Variants in CC2D2A observed in about 807,000 individuals in gnomAD.
CC2D2A encodes the protein coiled-coil and C2 domain containing 2A.
In CC2D2A, 155 loss-of-function variants were observed where a neutral mutation model predicts 212.9. The observed-to-expected ratio is 0.73, with a 90% confidence interval of 0.64 to 0.83. The LOEUF is 0.83. Ranked by LOEUF, CC2D2A falls within the 40% of genes least tolerant of loss-of-function variation. The pLI is 0.00. For missense variants in CC2D2A, 1,856 were observed against 1,956.2 expected (o/e 0.95, Z 0.97); for synonymous variants, 667 against 686.5 (o/e 0.97, Z 0.44).
At chr4:15,566,520 A>G (rs1719886753) in intron 24 of CC2D2A, among the ~76,000 whole-genome samples, 1 of 152,144 alleles carries the variant, frequency 6.6e-6, no homozygotes. Context: ...CTTTGTTCTC[A>G]GCACACAGGC....
intron 8 of CC2D2A, among the ~76,000 whole-genome samples, chr4:15,513,155 C>T (rs2109009775): frequency 6.6e-6 from 1 of 152,292 alleles, no homozygotes; most frequent in Non-Finnish European, 1.5e-5. Context: ...AATATTTTAG[C>T]TTATTCTATA....
At chr4:15,518,769 G>A (rs1717027635) in intron 11 of CC2D2A, among the ~76,000 whole-genome samples, 1 of 152,230 alleles carries the variant, frequency 6.6e-6, no homozygotes, top group Admixed American at 6.5e-5. Flanking sequence ...CTAAAGCCAT[G>A]GCCCGAGTTG....
At chr4:15,560,268 C>A (rs539563876) in intron 22 of CC2D2A, among the ~76,000 whole-genome samples, 23 of 152,228 alleles carry the variant, frequency 1.5e-4, no homozygotes, top group Admixed American at 1.3e-3. Context: ...ATTTTGCCAT[C>A]TTATATGCCG....
intron 4 of CC2D2A, among the ~76,000 whole-genome samples, chr4:15,488,754 G>T (rs935478539): frequency 2.0e-5 from 3 of 152,220 alleles, no homozygotes; most frequent in African/African-American, 7.2e-5. Flanking sequence ...AGGTCAGGCT[G>T]CATTTAGAGA....
chr4:15,599,639 A>T lies in CC2D2A; in HGVS notation c.4607A>T (p.Lys1536Ile). 1 of 1,613,746 alleles carries T rather than the reference A, an allele frequency of 6.2e-7. No individual in the cohort carries two copies. The highest frequency in any genetic ancestry group is 8.5e-7 in the Non-Finnish European group (1 of 1,179,672). ...TLRHFLPLLE[K>I]SQGEDVEDDH... Reference sequence around the variant, plus strand: ...CGTCACTTCTTGCCTCTGTTAGAAAAAAGTCAAGGAGAAGATGTAGAAGAT... The same window carrying T: ...CGTCACTTCTTGCCTCTGTTAGAAATAAGTCAAGGAGAAGATGTAGAAGAT... The change falls in exon 36 of 37, where the codon AAA becomes ATA. Residue 1536 changes from lysine to isoleucine, a missense_variant. Coordinates refer to ENST00000424120, the MANE Select transcript of CC2D2A (RefSeq NM_001378615.1).
intron 1 of CC2D2A, among the ~76,000 whole-genome samples, chr4:15,475,221 C>T (rs1365835164): frequency 6.6e-6 from 1 of 152,202 alleles, no homozygotes; most frequent in Non-Finnish European, 1.5e-5. Flanking sequence ...TTGCAGTGAG[C>T]CGAGATCGTG....
chr4:15,524,756 T>C (rs1265009844), intron 11 of CC2D2A, among the ~76,000 whole-genome samples: 1 of 152,134 alleles, frequency 6.6e-6, no homozygotes, highest in African/African-American at 2.4e-5. Context: ...CGGCTTTAAT[T>C]TTTTTTTCTC....
At chr4:15,563,714 G>C (rs1291662951) in intron 24 of CC2D2A, 192 bp downstream of exon 24, 3 of 590,058 alleles carry the variant, frequency 5.1e-6, no homozygotes, top group Non-Finnish European at 9.0e-6. Flanking sequence ...CTAAAGAGGG[G>C]ATTTATTAAG....
intron 4 of CC2D2A, among the ~76,000 whole-genome samples, chr4:15,501,247 T>C (rs927960943): frequency 2.0e-5 from 3 of 152,146 alleles, no homozygotes; most frequent in African/African-American, 7.2e-5. Flanking sequence ...CATTTTTCCA[T>C]ACCTACCAAT....
intron 22 of CC2D2A, 29 bp downstream of exon 22, chr4:15,559,286 A>T: frequency 7.0e-7 from 1 of 1,430,416 alleles, no homozygotes; most frequent in Non-Finnish European, 9.6e-7. Flanking sequence ...AACTGTCTTC[A>T]TAGGGAGAAA....
chr4:15,534,700 A>G (rs962012860), intron 14 of CC2D2A, among the ~76,000 whole-genome samples: 1 of 152,202 alleles, frequency 6.6e-6, no homozygotes, highest in Admixed American at 6.5e-5. Context: ...AAACAGCCAT[A>G]TTACAGCCAA....
intron 27 of CC2D2A, 48 bp from the exon 28 acceptor site, chr4:15,570,350 G>A: frequency 8.7e-7 from 1 of 1,148,074 alleles, no homozygotes. Flanking sequence ...TTAATTAAAT[G>A]AGTTTCTGGA....
chr4:15,497,869 T>A (rs1389538676), intron 4 of CC2D2A, among the ~76,000 whole-genome samples: 1 of 152,206 alleles, frequency 6.6e-6, no homozygotes, highest in African/African-American at 2.4e-5. Flanking sequence ...ATGGCTTATA[T>A]GTCAATAAAA....
intron 11 of CC2D2A, among the ~76,000 whole-genome samples, chr4:15,527,182 T>C (rs1237553550): frequency 6.6e-6 from 1 of 152,194 alleles, no homozygotes; most frequent in Admixed American, 6.5e-5. Flanking sequence ...AACTACAACT[T>C]AGGCAAGTAA....
intron 16 of CC2D2A, among the ~76,000 whole-genome samples, chr4:15,538,483 C>A (rs1297015152): frequency 6.6e-6 from 1 of 152,126 alleles, no homozygotes; most frequent in African/African-American, 2.4e-5. Context: ...TTATCTGTAA[C>A]CTCAATGAGT....
In CC2D2A at chr4:15,533,234, G is replaced by C; in HGVS notation, c.1508G>C (p.Arg503Thr). 1 of 1,596,820 alleles carries C rather than the reference G, an allele frequency of 6.3e-7. No homozygotes were observed. Among genetic ancestry groups the C allele is most frequent in the African/African-American group, 1.4e-5 (1 of 74,012 alleles). The change falls in exon 14 of 37, where the codon AGA (arginine) becomes ACA (threonine). Residue 503 changes from arginine (R) to threonine (T), a missense_variant. By Grantham distance (71) the Arg-to-Thr change is moderately conservative (BLOSUM62 -1). Around this residue, in one of 5 missense-constraint regions of CC2D2A, gnomAD observed 1,512 missense variants for 1,579.3 expected, o/e 0.96. Coordinates refer to ENST00000424120, the MANE Select transcript of CC2D2A (RefSeq NM_001378615.1). The part of the protein sequence containing the change: ...KFRDAEQEKD[R>T]TLLKTIIKVW... ...CGTGATGCTGAACAAGAAAAAGATAGAACATTGCTTAAGACTATCATAAAA... is the reference window on the plus strand; with the variant it reads ...CGTGATGCTGAACAAGAAAAAGATACAACATTGCTTAAGACTATCATAAAA...
At chr4:15,493,261 T>TTTATTTATTTAC (rs1486848808) in intron 4 of CC2D2A, among the ~76,000 whole-genome samples, 1 of 147,920 alleles carries the variant, frequency 6.8e-6, no homozygotes, top group East Asian at 1.9e-4. Context: ...TATTTATTTA[T>TTTATTTATTTAC]TTATTTATTT....
intron 4 of CC2D2A, among the ~76,000 whole-genome samples, chr4:15,490,858 A>C (rs1715264012): frequency 6.7e-6 from 1 of 149,426 alleles, no homozygotes; most frequent in African/African-American, 2.5e-5. Context: ...GCACTGTGAA[A>C]ATCCATGTCC....
intron 4 of CC2D2A, among the ~76,000 whole-genome samples, chr4:15,487,785 TAA>T (rs35503243): frequency 1.0e-4 from 13 of 129,950 alleles, no homozygotes; most frequent in East Asian, 7.2e-4. Flanking sequence ...AGTAGTATGT[TAA>T]AAAAATTTTT....
Sources: allele counts gnomAD v4.1 joint callset (sites outside exome capture counted in the v4.1 genomes callset), GRCh38; gene constraint gnomAD v4.1.1; regional missense constraint gnomAD v4.1.1; transcripts MANE v1.5; gene names NCBI Gene and HGNC (gene_info 2026-07-23, HGNC 2026-07-21).